The following CD1A variants were observed in gnomAD, a reference collection of about 807,000 sequenced individuals.
The protein encoded by CD1A is CD1a molecule, also known as T-cell surface glycoprotein CD1a.
A neutral mutation model predicts 38.3 loss-of-function variants in CD1A; 50 were observed. The observed-to-expected ratio is 1.30, with a 90% confidence interval of 1.04 to 1.65. The LOEUF (loss-of-function observed/expected upper bound fraction) is 1.65, where lower values mean the gene tolerates loss of function less well. CD1A is among the 40% of genes most tolerant of loss of function. The pLI, the probability that CD1A is intolerant of heterozygous loss-of-function variation, is 0.00. For missense variants in CD1A, 459 were observed against 406.1 expected, an observed-to-expected ratio of 1.13 and a Z score of -1.12; for synonymous variants, 160 against 150.8, an observed-to-expected ratio of 1.06 and a Z score of -0.45.
At chr1:158,255,917 C>G in intron 2 of CD1A, 87 bp from the exon 3 acceptor site, 807 of 1,231,416 alleles carry the variant, frequency 6.6e-4, no homozygotes, top group Non-Finnish European at 8.6e-4. Context: ...ACCCTGCACA[C>G]TTCCCCCTTC....
chr1:158,257,401 G>A lies in CD1A; in HGVS notation c.884-20G>A, dbSNP rs1650297100. On this transcript the variant is annotated intron_variant, in intron 4 of 5. Transcript: ENST00000289429. ...AATGGGATGGATTATAACATCCTTGGTGTCTCCCCAAATTCACAGAGCATC... is the reference window on the plus strand; with the variant it reads ...AATGGGATGGATTATAACATCCTTGATGTCTCCCCAAATTCACAGAGCATC... 2 of 1,575,274 alleles carry A rather than the reference G, an allele frequency of 1.3e-6. No homozygotes were observed. The highest frequency in any genetic ancestry group is 1.7e-6 in the Non-Finnish European group (2 of 1,144,624).
chr1:158,255,017 G>A, intron 1 of CD1A, 67 bp from the exon 2 acceptor site: 3 of 1,520,180 alleles, frequency 2.0e-6, no homozygotes, highest in Non-Finnish European at 2.7e-6. Flanking sequence ...CCGCACTCTG[G>A]CACCTTTCTC....
chr1:158,255,418 C>G (rs77627581), intron 2 of CD1A, 68 bp downstream of exon 2: 52,246 of 1,479,772 alleles, frequency 0.035, 1,089 homozygotes, highest in Non-Finnish European at 0.043. Flanking sequence ...GTTTCTTATT[C>G]CTTTAGGAAA....
At chr1:158,248,521 C>A in the CD1A span, 1 of 523,790 alleles carries the variant, frequency 1.9e-6, no homozygotes, top group Non-Finnish European at 2.4e-6. Context: ...TATGGACTTG[C>A]CTAGGATAGC....
Position 158,256,912 on chromosome 1 carries a change from A to G in CD1A, c.731A>G (p.Gln244Arg). The G allele has an allele frequency of 6.2e-7, 1 of 1,614,222 alleles. No homozygotes were observed. The highest frequency in any genetic ancestry group is 8.5e-7 in the Non-Finnish European group (1 of 1,180,042). Residue 244 changes from glutamine (Q) to arginine (R), a missense_variant, in exon 4 of 6, where the codon CAG (glutamine) becomes CGG (arginine). Physicochemically the swap from Gln to Arg is conservative, Grantham distance 43. Coordinates refer to ENST00000289429, the MANE Select transcript of CD1A (RefSeq NM_001763.3). ...WVMWMRGEQE[Q>R]QGTQRGDILP... is the part of the protein sequence containing the mutation. ...ATGTGGATGCGGGGTGAGCAGGAGC[A>G]GCAGGGCACTCAGCGAGGGGACATC...
chr1:158,254,030 GGTT>G (rs1650153153), upstream of CD1A: 1 of 45,796 alleles, frequency 2.2e-5, no homozygotes, highest in African/African-American at 8.5e-5. Flanking sequence ...GTGTTCCTGT[GGTT>G]TTTTTTTTTT....
In CD1A at chr1:158,256,805, G is replaced by A; in HGVS notation, c.624G>A (p.Leu208=). ...LQRQVKPEAW[L]SHGPSPGPGH... Reference sequence around the variant, plus strand: ...TTGCAGTGAAGCCCGAGGCCTGGCTGTCCCATGGCCCCAGTCCTGGCCCTG... The same window carrying A: ...TTGCAGTGAAGCCCGAGGCCTGGCTATCCCATGGCCCCAGTCCTGGCCCTG... The change falls in exon 4 of 6, where the codon CTG becomes CTA. Residue 208 remains leucine (L), a synonymous_variant. Coordinates refer to ENST00000289429, the MANE Select transcript of CD1A (RefSeq NM_001763.3). 3 of 1,614,108 alleles carry A rather than the reference G, an allele frequency of 1.9e-6. No individual in the cohort carries two copies. Among genetic ancestry groups the A allele is most frequent in the Non-Finnish European group, 2.5e-6 (3 of 1,179,962 alleles).
Position 158,257,739 on chromosome 1 carries a change from C to T in CD1A, c.*49C>T, listed in dbSNP as rs761680677. On this transcript the variant is annotated 3_prime_UTR_variant, in exon 6 of 6. Transcript: ENST00000289429. ...ACCCTTCTCCTTTTGGGGTGAGAGA[C>T]CAGCAGCCCAAGGGCTCCAGACACA... is the stretch of plus-strand genomic sequence containing the variant. The T allele has an allele frequency of 6.3e-7, 1 of 1,577,550 alleles. No individual in the cohort carries two copies. The highest frequency in any genetic ancestry group is 8.7e-7 in the Non-Finnish European group (1 of 1,146,768).
chr1:158,250,912 G>A (rs1478432170), upstream of CD1A, among the ~76,000 whole-genome samples: 1 of 152,200 alleles, frequency 6.6e-6, no homozygotes, highest in Non-Finnish European at 1.5e-5. Flanking sequence ...ATCAGGATAA[G>A]CTTGCTAAAC....
Position 158,257,679 on chromosome 1 carries a change from A to G in CD1A, c.975-2A>G, listed in dbSNP as rs1230619808. ...GTGACTTCTATCTCTGTTCTCATCC[A>G]GTTTCTGTTAAGACACACCATGAGC... is the stretch of plus-strand genomic sequence containing the variant. On this transcript the variant is annotated splice_acceptor_variant, in intron 5 of 5. Transcript: ENST00000289429. LOFTEE classifies it high-confidence loss of function. The G allele has an allele frequency of 6.2e-7, 1 of 1,613,650 alleles. No homozygotes were observed. Among genetic ancestry groups the G allele is most frequent in the Admixed American group, 1.7e-5 (1 of 59,972 alleles).
Position 158,257,469 on chromosome 1 carries a change from T to A in CD1A, c.932T>A (p.Leu311Ter), listed in dbSNP as rs759157956. ...GFIILAVIVP[L>*]LLLIGLALWF... The stretch of plus-strand genomic sequence containing the variant: ...ATCATCTTGGCGGTGATAGTGCCTT[T>A]ACTTCTTCTGATAGGTCTTGCGCTT... The change falls in exon 5 of 6, where the codon TTA becomes TAA. Residue 311 changes from leucine to a stop codon, truncating the protein, a stop_gained. Coordinates refer to ENST00000289429, the MANE Select transcript of CD1A (RefSeq NM_001763.3). LOFTEE classifies it low-confidence loss of function (END_TRUNC). 3 of 1,614,184 alleles carry A rather than the reference T, an allele frequency of 1.9e-6. No homozygotes were observed. The highest frequency in any genetic ancestry group is 2.5e-6 in the Non-Finnish European group (3 of 1,180,008).
upstream of CD1A, chr1:158,254,140 C>A: frequency 1.0e-6 from 1 of 962,718 alleles, no homozygotes; most frequent in Non-Finnish European, 1.2e-6. Context: ...TCGCACAGGG[C>A]AGTCGTAGGA....
the CD1A span, among the ~76,000 whole-genome samples, chr1:158,249,251 AG>A: frequency 2.0e-5 from 3 of 152,176 alleles, no homozygotes; most frequent in Non-Finnish European, 2.9e-5. Flanking sequence ...TTCTCCATTC[AG>A]GCTGCTACAA....
upstream of CD1A, among the ~76,000 whole-genome samples, chr1:158,251,233 T>C (rs1650079256): frequency 6.6e-6 from 1 of 152,204 alleles, no homozygotes; most frequent in Non-Finnish European, 1.5e-5. Context: ...TCATGTACAG[T>C]AGGCAGAAGA....
upstream of CD1A, chr1:158,254,272 C>A: frequency 9.2e-7 from 1 of 1,082,304 alleles, no homozygotes; most frequent in Non-Finnish European, 1.1e-6. Context: ...TCAAAAAGAG[C>A]AGGGACATGG....
At position 158,256,899 on chromosome 1, in the gene CD1A, G is replaced by A. The variant is rs377049912; in HGVS notation, c.718G>A (p.Gly240Ser). ...GCCCGTGTGGGTGATGTGGATGCGG[G>A]GTGAGCAGGAGCAGCAGGGCACTCA... The part of the protein sequence containing the change: ...PKPVWVMWMR[G>S]EQEQQGTQRG... Residue 240 changes from glycine to serine, a missense_variant, in exon 4 of 6, where the codon GGT becomes AGT. Transcript: ENST00000289429. 62 of 1,614,076 alleles carry A rather than the reference G, an allele frequency of 3.8e-5. No individual in the cohort carries two copies. The highest frequency in any genetic ancestry group is 2.0e-4 in the Admixed American group (12 of 60,006).
upstream of CD1A, among the ~76,000 whole-genome samples, chr1:158,252,125 G>A (rs187913496): frequency 3.0e-4 from 44 of 145,922 alleles, no homozygotes; most frequent in Middle Eastern, 3.5e-3. Context: ...CACCGCACCC[G>A]GCCACGGTTT....
At chr1:158,252,913 A>AAAACC (rs1650124308), upstream of CD1A, among the ~76,000 whole-genome samples, 1 of 151,754 alleles carries the variant, frequency 6.6e-6, no homozygotes, top group South Asian at 2.1e-4. Context: ...AAAACAAAAC[A>AAAACC]AAACAAAACA....
chr1:158,254,209 TGAAGAGACAGGG>T, upstream of CD1A: 5 of 1,014,522 alleles, frequency 4.9e-6, no homozygotes, highest in Non-Finnish European at 5.9e-6. Flanking sequence ...AGTAAGGGGC[TGAAGAGACAGGG>T]GAAGAGAATA....
Sources: allele counts gnomAD v4.1 joint callset (sites outside exome capture counted in the v4.1 genomes callset), GRCh38; gene constraint gnomAD v4.1.1; transcripts MANE v1.5; gene names NCBI Gene and HGNC (gene_info 2026-07-23, HGNC 2026-07-21).